The following EPHA5 variants were observed in gnomAD, a reference collection of about 807,000 sequenced individuals.
The protein encoded by EPHA5 is EPH receptor A5, also known as ephrin type-A receptor 5.
A neutral mutation model predicts 105.0 loss-of-function variants in EPHA5; 60 were observed. The ratio of observed to expected loss-of-function variants is 0.57; its 90% CI spans 0.46 to 0.71. The LOEUF is 0.71. Among genes scored for constraint, EPHA5 ranks in the 30% least tolerant of loss-of-function variants. EPHA5 has a pLI of 0.00. For missense variants in EPHA5, 1,218 were observed against 1,274.7 expected, an observed-to-expected ratio of 0.96 and a Z score of 0.68; for synonymous variants, 513 against 449.1, an observed-to-expected ratio of 1.14 and a Z score of -1.80.
chr4:65,661,910 T>G (rs1749590498), intron 1 of EPHA5, among the ~76,000 whole-genome samples: 3 of 152,170 alleles, frequency 2.0e-5, no homozygotes, highest in Non-Finnish European at 4.4e-5. Flanking sequence ...ATGAATTAAG[T>G]GAAAAAATAT....
intron 5 of EPHA5, among the ~76,000 whole-genome samples, chr4:65,458,777 C>T (rs1281758587): frequency 6.6e-6 from 1 of 151,906 alleles, no homozygotes; most frequent in Non-Finnish European, 1.5e-5. Flanking sequence ...TAGAAACAAG[C>T]CTACAGTAAA....
chr4:65,583,894 G>C (rs1197646934), intron 3 of EPHA5, among the ~76,000 whole-genome samples: 1 of 151,314 alleles, frequency 6.6e-6, no homozygotes, highest in African/African-American at 2.4e-5. Flanking sequence ...GTATATACTG[G>C]TTCATTAAAT....
At chr4:65,507,306 C>T (rs1374308696) in intron 3 of EPHA5, among the ~76,000 whole-genome samples, 1 of 152,076 alleles carries the variant, frequency 6.6e-6, no homozygotes, top group Non-Finnish European at 1.5e-5. Flanking sequence ...AGTGTGATGC[C>T]TCCAGCTTTG....
chr4:65,512,785 G>A (rs1480439549), intron 3 of EPHA5, among the ~76,000 whole-genome samples: 1 of 152,002 alleles, frequency 6.6e-6, no homozygotes, highest in East Asian at 1.9e-4. Flanking sequence ...AAATACAAAG[G>A]CCGTTGTGTT....
At chr4:65,392,390 T>C (rs976056625) in intron 8 of EPHA5, among the ~76,000 whole-genome samples, 1 of 152,134 alleles carries the variant, frequency 6.6e-6, no homozygotes, top group South Asian at 2.1e-4. Context: ...ATTACAAATG[T>C]TTGGTTACCA....
chr4:65,583,118 C>T lies in EPHA5; in HGVS notation c.910+18523G>A, dbSNP rs1339535667. 2.6e-5 allele frequency among the ~76,000 whole-genome samples: 4 copies of T among 151,330 alleles called. 1 individual carries two copies. The East Asian group carries it at 5.8e-4, about 22-fold the overall frequency. ...TTAATAATATGTTTAAGGTATAAGC[C>T]AGGTCTATCTGCTGTGATAAATCAT... On this transcript the variant is annotated intron_variant, in intron 3 of 16. Transcript: ENST00000613740.
chr4:65,494,832 T>C (rs1465115012), intron 4 of EPHA5, among the ~76,000 whole-genome samples: 6 of 152,300 alleles, frequency 3.9e-5, no homozygotes, highest in African/African-American at 1.4e-4. Flanking sequence ...TCTATGTTCC[T>C]GAAATATTTC....
rs181584625 is a variant in EPHA5, at chr4:65,601,587, T to C, written c.910+54A>G. On this transcript the variant is annotated intron_variant, in intron 3 of 16. Transcript: ENST00000613740. ...TCATAATCATTGGAGGAAATACATA[T>C]ACATGATCCAACTGAAGCAGACAGC... 141 of 1,520,790 alleles carry C rather than the reference T, an allele frequency of 9.3e-5. No homozygotes were observed. In the African/African-American group the frequency reaches 1.6e-3, roughly 18 times the overall value. 94.2% of individuals were successfully genotyped at this position (1,520,790 alleles called of 1,614,324 possible).
intron 2 of EPHA5, among the ~76,000 whole-genome samples, chr4:65,625,943 C>CA (rs1560789706): frequency 6.6e-6 from 1 of 151,750 alleles, no homozygotes; most frequent in African/African-American, 2.4e-5. Context: ...ACTAAAAATA[C>CA]AAAAAAATTA....
intron 16 of EPHA5, chr4:65,331,211 T>C: frequency 9.7e-7 from 1 of 1,030,834 alleles, no homozygotes; most frequent in Non-Finnish European, 1.2e-6. Flanking sequence ...TAATGTAATC[T>C]AGATGGAACC....
At chr4:65,352,230 G>A (rs1722885146) in intron 12 of EPHA5, among the ~76,000 whole-genome samples, 1 of 151,972 alleles carries the variant, frequency 6.6e-6, no homozygotes. Context: ...AAAATAATTT[G>A]GCAGAGTCTG....
chr4:65,656,304 GA>G (rs982639858), intron 1 of EPHA5, among the ~76,000 whole-genome samples: 70 of 147,694 alleles, frequency 4.7e-4, no homozygotes, highest in African/African-American at 6.7e-4. Context: ...CCCAGAGTTG[GA>G]AAAAAAAAAT....
intron 5 of EPHA5, among the ~76,000 whole-genome samples, chr4:65,473,618 G>T (rs540003510): frequency 2.6e-5 from 4 of 152,182 alleles, no homozygotes; most frequent in African/African-American, 9.6e-5. Flanking sequence ...GGGGAAACTG[G>T]CCCCATGATA....
At chr4:65,555,009 A>C (rs1167283212) in intron 3 of EPHA5, among the ~76,000 whole-genome samples, 1 of 100,542 alleles carries the variant, frequency 9.9e-6, no homozygotes, top group African/African-American at 4.0e-5. Flanking sequence ...AAAAAAAAAA[A>C]AAAGTACATG....
rs1002796686 is a variant in EPHA5, at chr4:65,414,277, G to A, written c.1687+7C>T. On this transcript the variant is annotated splice_region_variant and intron_variant, in intron 7 of 16. Transcript: ENST00000613740. ...GACATGAGCTGACAGTAATTAAAAT[G>A]ACTTACACACTGGGGTGGTTTCAAA... is the stretch of plus-strand genomic sequence containing the variant. 1 of 1,613,146 alleles carries A rather than the reference G, an allele frequency of 6.2e-7. No individual in the cohort carries two copies. Among genetic ancestry groups the A allele is most frequent in the Non-Finnish European group, 8.5e-7 (1 of 1,179,330 alleles).
intron 8 of EPHA5, among the ~76,000 whole-genome samples, chr4:65,388,338 TG>T (rs1460656967): frequency 1.3e-5 from 2 of 151,920 alleles, no homozygotes; most frequent in African/African-American, 4.8e-5. Context: ...TACCCAGTAA[TG>T]GGATGGCTGG....
chr4:65,605,971 C>CA (rs149916439), intron 2 of EPHA5, among the ~76,000 whole-genome samples: 27 of 149,748 alleles, frequency 1.8e-4, no homozygotes, highest in South Asian at 6.4e-4. Context: ...AAGACCAGAC[C>CA]AAAAAAAAAG....
At chr4:65,560,141 T>G (rs577711949) in intron 3 of EPHA5, among the ~76,000 whole-genome samples, 5 of 152,228 alleles carry the variant, frequency 3.3e-5, no homozygotes, top group African/African-American at 1.2e-4. Flanking sequence ...CTCATTCTTT[T>G]GAATAAAGTT....
intron 3 of EPHA5, among the ~76,000 whole-genome samples, chr4:65,522,961 C>G (rs559391026): frequency 1.3e-5 from 2 of 151,902 alleles, no homozygotes; most frequent in South Asian, 2.1e-4. Context: ...TTCTAAAAAG[C>G]ATGATCAACA....
Sources: gnomAD v4.1 joint callset for allele counts (sites outside exome capture counted in the v4.1 genomes callset) on GRCh38, gnomAD v4.1.1 for gene constraint, MANE v1.5 for transcripts, NCBI Gene and HGNC (gene_info 2026-07-23, HGNC 2026-07-21) for gene names.